The following CAST variants were observed in gnomAD, a reference collection of about 807,000 sequenced individuals.
The protein encoded by CAST is MIR583 host.
A neutral mutation model predicts 119.6 loss-of-function variants in CAST; 76 were observed. The observed-to-expected ratio is 0.64, with a 90% CI of 0.53 to 0.77. The LOEUF (loss-of-function observed/expected upper bound fraction) is 0.77. CAST is among the 30% of genes least tolerant of loss of function. The probability of loss-of-function intolerance (pLI) is 0.00; values close to 1 mark genes in which losing one functional copy is unlikely to be tolerated. For missense variants in CAST, 953 were observed against 946.5 expected (o/e 1.01, Z -0.09); for synonymous variants, 319 against 331.6 (o/e 0.96, Z 0.41).
chr5:96,740,999 C>T lies in CAST; in HGVS notation c.918+216C>T, dbSNP rs867634742. On this transcript the variant is annotated intron_variant, in intron 13 of 31. Transcript: ENST00000675179. ...TTTTTGAGGGAAAGGAGAAAGAAGGCGAGAAAGTATTAGGATAGAATATTA... is the reference window on the plus strand; with the variant it reads ...TTTTTGAGGGAAAGGAGAAAGAAGGTGAGAAAGTATTAGGATAGAATATTA... The T allele has an allele frequency of 6.8e-4, 398 of 588,118 alleles. 4 individuals are homozygous for T. Among genetic ancestry groups the T allele is most frequent in the Middle Eastern group, 2.6e-3 (6 of 2,270 alleles). The allele number at this position is 588,118 out of a possible 1,614,324, so 36.4% of individuals were successfully genotyped here.
the CAST span, among the ~76,000 whole-genome samples, chr5:96,388,740 G>A: frequency 6.6e-6 from 1 of 152,026 alleles, no homozygotes; most frequent in Non-Finnish European, 1.5e-5. Context: ...CTTTGTACAC[G>A]TGCATGTATT....
chr5:96,701,219 T>G (rs1486669476), intron 3 of CAST, among the ~76,000 whole-genome samples: 1 of 151,368 alleles, frequency 6.6e-6, no homozygotes, highest in East Asian at 2.0e-4. Flanking sequence ...TGAGCCACCA[T>G]GCCTGGCCAG....
chr5:96,109,481 G>A, the CAST span, among the ~76,000 whole-genome samples: 2 of 152,240 alleles, frequency 1.3e-5, no homozygotes, highest in Admixed American at 1.3e-4. Flanking sequence ...TTTGAGACTC[G>A]AAGATAAATT....
the CAST span, among the ~76,000 whole-genome samples, chr5:96,323,892 C>A: frequency 1.3e-5 from 2 of 152,184 alleles, no homozygotes; most frequent in Non-Finnish European, 2.9e-5. Context: ...CCCTCTAGAC[C>A]ACGTGCTCTT....
the CAST span, among the ~76,000 whole-genome samples, chr5:96,093,559 G>C: frequency 6.6e-6 from 1 of 152,230 alleles, no homozygotes; most frequent in Admixed American, 6.5e-5. Flanking sequence ...CAGGACCTTA[G>C]AAGTGTGATA....
rs73774317 is a variant in CAST at position 96,591,126 on chromosome 5, A to G, written c.60+61246A>G. 5.0e-3 allele frequency among the ~76,000 whole-genome samples: 762 copies of G among 152,322 alleles called. 7 individuals are homozygous for G. Among genetic ancestry groups the G allele is most frequent in the African/African-American group, 0.018 (736 of 41,562 alleles). On this transcript the variant is annotated intron_variant, in intron 1 of 11. Coordinates refer to the CAST transcript ENST00000505143. The stretch of plus-strand genomic sequence containing the variant: ...AGTACTGATGGATACATTGACACCA[A>G]TCCCATAGTTCTCAGAGAACAGCAA...
chr5:96,205,999 T>G, the CAST span, among the ~76,000 whole-genome samples: 3 of 152,092 alleles, frequency 2.0e-5, no homozygotes, highest in Non-Finnish European at 4.4e-5. Flanking sequence ...TTAAACATTT[T>G]AATAGCCATT....
intron 3 of CAST, 129 bp from the exon 4 acceptor site, chr5:96,722,510 T>C: frequency 1.5e-6 from 1 of 673,430 alleles, no homozygotes. Context: ...TCCTACTAGA[T>C]TTTTGTGCTC....
At chr5:96,599,972 A>AT (rs1747116854) in intron 1 of CAST, among the ~76,000 whole-genome samples, 1 of 142,492 alleles carries the variant, frequency 7.0e-6, no homozygotes. Flanking sequence ...TAGGCAAAAA[A>AT]AAAAAAAAAA....
the CAST span, among the ~76,000 whole-genome samples, chr5:96,340,874 T>C: frequency 3.3e-5 from 5 of 152,234 alleles, no homozygotes; most frequent in Non-Finnish European, 7.3e-5. Context: ...TAAGTCTATA[T>C]ACTGAACTTA....
At chr5:96,472,930 C>G in the CAST span, among the ~76,000 whole-genome samples, 1 of 152,074 alleles carries the variant, frequency 6.6e-6, no homozygotes, top group Non-Finnish European at 1.5e-5. Flanking sequence ...AGAAGGCTTC[C>G]TTGCCTTTTT....
the CAST span, among the ~76,000 whole-genome samples, chr5:96,122,828 T>C: frequency 6.6e-6 from 1 of 152,166 alleles, no homozygotes; most frequent in Non-Finnish European, 1.5e-5. Flanking sequence ...TTTGTGTTTT[T>C]ATTTTATGTC....
the CAST span, among the ~76,000 whole-genome samples, chr5:96,035,132 T>TTA: frequency 6.9e-6 from 1 of 144,400 alleles, no homozygotes; most frequent in Admixed American, 7.0e-5. Context: ...ATTTTATATA[T>TTA]TATATATACT....
the CAST span, among the ~76,000 whole-genome samples, chr5:96,070,558 A>C: frequency 6.6e-6 from 1 of 152,192 alleles, no homozygotes; most frequent in African/African-American, 2.4e-5. Flanking sequence ...ACTGATTCCA[A>C]GTTTTCTCAT....
chr5:96,245,469 C>T, the CAST span, among the ~76,000 whole-genome samples: 1 of 152,058 alleles, frequency 6.6e-6, no homozygotes, highest in African/African-American at 2.4e-5. Flanking sequence ...TATCTTTTTC[C>T]TTCCCTTAGT....
chr5:95,963,413 C>T, the CAST span, among the ~76,000 whole-genome samples: 1 of 152,198 alleles, frequency 6.6e-6, no homozygotes, highest in Non-Finnish European at 1.5e-5. Flanking sequence ...TTAAGTGTTA[C>T]TCCATCACAG....
chr5:96,283,141 A>AAAAAG, the CAST span, among the ~76,000 whole-genome samples: 2 of 151,448 alleles, frequency 1.3e-5, no homozygotes, highest in East Asian at 1.9e-4. Flanking sequence ...AAAAAAAAAA[A>AAAAAG]AAAAGAAAAA....
the CAST span, among the ~76,000 whole-genome samples, chr5:96,109,086 C>T: frequency 1.4e-4 from 22 of 152,214 alleles, no homozygotes; most frequent in Admixed American, 5.9e-4. Flanking sequence ...CTTCGGCTTG[C>T]GCACGGTGCG....
the CAST span, among the ~76,000 whole-genome samples, chr5:96,425,346 TAG>T: frequency 6.6e-6 from 1 of 152,222 alleles, no homozygotes; most frequent in African/African-American, 2.4e-5. Flanking sequence ...ACATTTGCAA[TAG>T]ACTTTTCTTG....
Sources: gnomAD v4.1 joint callset for allele counts (sites outside exome capture counted in the v4.1 genomes callset) on GRCh38, gnomAD v4.1.1 for gene constraint, MANE v1.5 for transcripts, NCBI Gene and HGNC (gene_info 2026-07-23, HGNC 2026-07-21) for gene names.